The following BLTP1 variants were observed in gnomAD, a reference collection of about 807,000 sequenced individuals.
BLTP1 encodes bridge-like lipid transfer protein family member 1, also known as fragile site-associated protein.
the BLTP1 span, chr4:122,167,942 T>A: frequency 3.1e-6 from 3 of 958,002 alleles, no homozygotes; most frequent in Non-Finnish European, 2.5e-6. Flanking sequence ...AAGTCTCCAG[T>A]CTCTCACTAT....
At chr4:122,231,765 ACATATT>A in the BLTP1 span, 3 of 975,164 alleles carry the variant, frequency 3.1e-6, no homozygotes, top group Non-Finnish European at 3.7e-6. Flanking sequence ...AGATAAATCG[ACATATT>A]CATTTCTCTG....
chr4:122,362,407 G>A, the BLTP1 span: 12 of 578,550 alleles, frequency 2.1e-5, no homozygotes, highest in Non-Finnish European at 5.9e-6. Context: ...CCATCATTCT[G>A]TGTACAGTGA....
chr4:122,254,076 G>A, the BLTP1 span: 2 of 901,762 alleles, frequency 2.2e-6, no homozygotes, highest in Non-Finnish European at 3.3e-6. Context: ...TGAAGGAGAA[G>A]TAAAGACTTT....
the BLTP1 span, chr4:122,237,349 G>T: frequency 8.1e-6 from 8 of 985,308 alleles, no homozygotes; most frequent in Non-Finnish European, 9.6e-6. Flanking sequence ...TGAAACAGTG[G>T]TGCTTCACTC....
chr4:122,249,761 G>A, the BLTP1 span: 4 of 1,550,566 alleles, frequency 2.6e-6, no homozygotes, highest in African/African-American at 4.1e-5. Context: ...AACAATCATG[G>A]CTTTCAGTAA....
At chr4:122,262,887 T>C in the BLTP1 span, 1 of 1,614,138 alleles carries the variant, frequency 6.2e-7, no homozygotes. Flanking sequence ...CCTACTCAGC[T>C]ACCTGACTGG....
At chr4:122,326,294 T>A in the BLTP1 span, among the ~76,000 whole-genome samples, 7 of 151,820 alleles carry the variant, frequency 4.6e-5, no homozygotes, top group African/African-American at 1.7e-4. Context: ...CAAACATTAA[T>A]AATTGAACAT....
the BLTP1 span, chr4:122,288,944 A>G: frequency 1.0e-6 from 1 of 996,498 alleles, no homozygotes; most frequent in Non-Finnish European, 1.4e-6. Context: ...AACGCTGAAT[A>G]TTTTTAACTT....
chr4:122,153,169 T>TG, the BLTP1 span: 2 of 350,610 alleles, frequency 5.7e-6, no homozygotes, highest in Non-Finnish European at 8.0e-6. Context: ...GTTTTTTTTT[T>TG]TTTTTTTTTT....
At chr4:122,274,401 T>C in the BLTP1 span, 1 of 1,606,718 alleles carries the variant, frequency 6.2e-7, no homozygotes, top group Non-Finnish European at 8.5e-7. Flanking sequence ...GTGGGGTTAA[T>C]ATTGTGCTGC....
the BLTP1 span, chr4:122,226,868 A>C: frequency 6.6e-7 from 1 of 1,506,638 alleles, no homozygotes; most frequent in Non-Finnish European, 9.0e-7. Context: ...AATATTATAA[A>C]CATTTATGAA....
the BLTP1 span, chr4:122,298,337 C>A: frequency 2.5e-6 from 1 of 403,942 alleles, no homozygotes; most frequent in Non-Finnish European, 3.4e-6. Context: ...AAACTAAGAA[C>A]TCTCTTAGCT....
the BLTP1 span, chr4:122,313,713 A>G: frequency 7.6e-6 from 10 of 1,313,904 alleles, no homozygotes; most frequent in Non-Finnish European, 1.1e-5. Context: ...GCATTATTTT[A>G]TGTTAGATAG....
chr4:122,315,771 T>A, the BLTP1 span: 2 of 1,244,950 alleles, frequency 1.6e-6, no homozygotes, highest in East Asian at 2.5e-5. Context: ...TTATTTAGTA[T>A]ATTATAGTTG....
chr4:122,314,693 C>T, the BLTP1 span, among the ~76,000 whole-genome samples: 5 of 152,038 alleles, frequency 3.3e-5, no homozygotes, highest in African/African-American at 9.7e-5. Flanking sequence ...TAGAAAGCAC[C>T]AAGGCCTAGA....
chr4:122,304,723 G>GA, the BLTP1 span: 2 of 1,554,644 alleles, frequency 1.3e-6, no homozygotes, highest in Admixed American at 3.9e-5. Context: ...ATCATATACT[G>GA]AAAGACTACA....
chr4:122,174,833 A>T, the BLTP1 span, among the ~76,000 whole-genome samples: 1 of 152,136 alleles, frequency 6.6e-6, no homozygotes, highest in Non-Finnish European at 1.5e-5. Context: ...TCAGTGGATT[A>T]ATTTAGCAGA....
At chr4:122,312,062 A>G in the BLTP1 span, among the ~76,000 whole-genome samples, 2 of 152,114 alleles carry the variant, frequency 1.3e-5, no homozygotes, top group Non-Finnish European at 1.5e-5. Context: ...TAGAGACAGA[A>G]TCTTGCTCTG....
the BLTP1 span, among the ~76,000 whole-genome samples, chr4:122,176,561 A>G: frequency 6.6e-6 from 1 of 152,192 alleles, no homozygotes; most frequent in Non-Finnish European, 1.5e-5. Context: ...AGGAAAATGA[A>G]TCAGCAACAT....
Sources: gnomAD v4.1 joint callset for allele counts (sites outside exome capture counted in the v4.1 genomes callset) on GRCh38, gnomAD v4.1.1 for gene constraint, MANE v1.5 for transcripts, NCBI Gene and HGNC (gene_info 2026-07-23, HGNC 2026-07-21) for gene names.